The following ADGRB3 variants were observed in gnomAD, a reference collection of about 807,000 sequenced individuals.
The protein encoded by ADGRB3 is adhesion G protein-coupled receptor B3.
Under a neutral mutation model 193.4 loss-of-function variants are expected in ADGRB3, and 37 were observed. The ratio of observed to expected loss-of-function variants is 0.19; its 90% CI spans 0.15 to 0.25. The LOEUF (loss-of-function observed/expected upper bound fraction) is 0.25, where lower values mean the gene tolerates loss of function less well. Ranked by LOEUF, ADGRB3 falls within the 10% of genes least tolerant of loss-of-function variation. The pLI, the probability that ADGRB3 is intolerant of heterozygous loss-of-function variation, is 1.00. For missense variants in ADGRB3, 1,637 were observed against 1,852.9 expected, an observed-to-expected ratio of 0.88 and a Z score of 2.14; for synonymous variants, 690 against 644.2, an observed-to-expected ratio of 1.07 and a Z score of -1.08.
At chr6:68,891,616 A>G (rs1023874417) in intron 3 of ADGRB3, among the ~76,000 whole-genome samples, 21 of 152,200 alleles carry the variant, frequency 1.4e-4, no homozygotes, top group Non-Finnish European at 2.8e-4. Flanking sequence ...CTAAGAGACT[A>G]GTAGTGCCAT....
rs961764404 is a variant in ADGRB3 at position 68,641,753 on chromosome 6, T to A, written c.757+2321T>A. ...CACTCTTTACCCCAGTTAAATAATC[T>A]CTTTTTGGCTAGGCTACATTGTAGG... On this transcript the variant is annotated intron_variant, in intron 3 of 31. Coordinates refer to ENST00000370598, the MANE Select transcript of ADGRB3 (RefSeq NM_001704.3). 3.2e-4 allele frequency among the ~76,000 whole-genome samples: 48 copies of A among 152,096 alleles called. 1 individual carries two copies. The highest frequency in any genetic ancestry group is 2.0e-4 in the Admixed American group (3 of 15,262).
intron 10 of ADGRB3, among the ~76,000 whole-genome samples, chr6:68,986,357 A>G (rs1030821794): frequency 6.6e-6 from 1 of 152,300 alleles, no homozygotes; most frequent in Non-Finnish European, 1.5e-5. Flanking sequence ...TGTGATACCT[A>G]CATGATTCAT....
At chr6:68,842,420 T>A (rs1198894000) in intron 3 of ADGRB3, among the ~76,000 whole-genome samples, 3 of 151,894 alleles carry the variant, frequency 2.0e-5, no homozygotes. Flanking sequence ...TTGGAAGACC[T>A]AGAAGAAATG....
At chr6:68,930,530 G>A in intron 3 of ADGRB3, 29 bp from the exon 4 acceptor site, 1 of 1,490,608 alleles carries the variant, frequency 6.7e-7, no homozygotes, top group South Asian at 1.2e-5. Flanking sequence ...CTACACACAA[G>A]CTTTCATATA....
At chr6:68,676,683 G>A (rs117894091) in intron 3 of ADGRB3, among the ~76,000 whole-genome samples, 3,383 of 152,210 alleles carry the variant, frequency 0.022, 65 homozygotes, top group South Asian at 0.074. Context: ...CCTTAGGACA[G>A]GGACAGTATA....
intron 3 of ADGRB3, among the ~76,000 whole-genome samples, chr6:68,802,183 CGTGTGTGTGTGTGT>C (rs9294808): frequency 4.2e-5 from 6 of 142,826 alleles, no homozygotes; most frequent in Non-Finnish European, 7.7e-5. Context: ...TGCACATATG[CGTGTGTGTGTGTGT>C]GTGTGTGTGT....
chr6:69,197,733 G>T (rs1175356073), intron 17 of ADGRB3, among the ~76,000 whole-genome samples: 1 of 151,986 alleles, frequency 6.6e-6, no homozygotes, highest in Non-Finnish European at 1.5e-5. Flanking sequence ...ATATTATCAA[G>T]TGTAGGTACT....
chr6:69,220,879 C>T (rs963988709), intron 17 of ADGRB3, among the ~76,000 whole-genome samples: 2 of 151,274 alleles, frequency 1.3e-5, no homozygotes, highest in Non-Finnish European at 3.0e-5. Context: ...TGCATTCTTC[C>T]CCTTTATCAC....
chr6:69,160,238 C>CAT (rs777207942), intron 17 of ADGRB3, among the ~76,000 whole-genome samples: 3 of 152,112 alleles, frequency 2.0e-5, no homozygotes, highest in Non-Finnish European at 2.9e-5. Flanking sequence ...GTCTTCCCAT[C>CAT]CCATGCAGAG....
At chr6:69,208,799 A>G (rs1053264790) in intron 17 of ADGRB3, among the ~76,000 whole-genome samples, 1 of 152,180 alleles carries the variant, frequency 6.6e-6, no homozygotes, top group Non-Finnish European at 1.5e-5. Flanking sequence ...CCAATCACAT[A>G]TATACCACTT....
At chr6:68,786,527 A>T (rs1006423621) in intron 3 of ADGRB3, among the ~76,000 whole-genome samples, 1 of 152,156 alleles carries the variant, frequency 6.6e-6, no homozygotes, top group African/African-American at 2.4e-5. Flanking sequence ...CTGTTTTGGT[A>T]CCAGTACCAT....
chr6:69,101,706 A>AGT lies in ADGRB3; in HGVS notation c.2480+25681_2480+25682dup, dbSNP rs147026892. ...ACTGTTCTAAATCTTTGTGTGTGTG[A>AGT]GTGTGTGTGTGTGTATGACATGTAA... On this transcript the variant is annotated intron_variant, in intron 17 of 31. Transcript: ENST00000370598. Among the ~76,000 whole-genome samples the AGT allele has an allele frequency of 5.0e-3, 705 of 140,448 alleles. 4 individuals carry two copies. The highest frequency in any genetic ancestry group is 8.7e-3 in the Non-Finnish European group (558 of 63,916). 92.1% of individuals were successfully genotyped at this position (140,448 alleles called of 152,430 possible). A position where few individuals can be genotyped will look rare whatever the true frequency, so the allele number is the denominator to read the frequency against.
chr6:69,315,064 TTTTG>T (rs921823842), intron 20 of ADGRB3, among the ~76,000 whole-genome samples: 21 of 151,722 alleles, frequency 1.4e-4, no homozygotes, highest in African/African-American at 4.8e-4. Flanking sequence ...TTAATATAAT[TTTTG>T]TTTATTTATT....
chr6:69,333,773 CA>C (rs1224045447), intron 24 of ADGRB3, among the ~76,000 whole-genome samples: 3 of 150,176 alleles, frequency 2.0e-5, no homozygotes, highest in Middle Eastern at 3.4e-3. Context: ...ACTAAAAATG[CA>C]AAAAAATTAG....
intron 17 of ADGRB3, among the ~76,000 whole-genome samples, chr6:69,214,003 G>T (rs1489289917): frequency 6.6e-6 from 1 of 151,996 alleles, no homozygotes; most frequent in Non-Finnish European, 1.5e-5. Flanking sequence ...TATACAATAT[G>T]CTATTTATAA....
intron 3 of ADGRB3, among the ~76,000 whole-genome samples, chr6:68,884,355 C>A (rs1765840140): frequency 1.3e-5 from 2 of 151,958 alleles, no homozygotes; most frequent in South Asian, 4.2e-4. Flanking sequence ...CTGTGATAAG[C>A]GCTGCAAAGA....
At chr6:69,120,528 A>G (rs182025245) in intron 17 of ADGRB3, among the ~76,000 whole-genome samples, 19 of 152,304 alleles carry the variant, frequency 1.2e-4, no homozygotes, top group Admixed American at 1.0e-3. Context: ...CTGAGCCTTA[A>G]TTTTTATGTC....
chr6:69,083,479 C>CT (rs537366181), intron 17 of ADGRB3, among the ~76,000 whole-genome samples: 16 of 151,966 alleles, frequency 1.1e-4, no homozygotes, highest in South Asian at 8.3e-4. Flanking sequence ...ACAAAAATAA[C>CT]TTTTTTATGA....
intron 6 of ADGRB3, among the ~76,000 whole-genome samples, chr6:68,947,113 C>T (rs921236701): frequency 6.6e-6 from 1 of 152,020 alleles, no homozygotes; most frequent in African/African-American, 2.4e-5. Context: ...ACTAATGAAG[C>T]AAGACAGGCA....
Sources: allele counts gnomAD v4.1 joint callset (sites outside exome capture counted in the v4.1 genomes callset), GRCh38; gene constraint gnomAD v4.1.1; transcripts MANE v1.5; gene names NCBI Gene and HGNC (gene_info 2026-07-23, HGNC 2026-07-21).